ADCY2: variants seen among roughly 807,000 people sequenced by gnomAD.
The protein encoded by ADCY2 is adenylate cyclase 2, also known as adenylate cyclase type 2.
In ADCY2, 31 loss-of-function variants were observed where a neutral mutation model predicts 125.2. That is an observed-to-expected ratio of 0.25 (90% CI 0.19 to 0.33). ADCY2 has a LOEUF of 0.33. ADCY2 is among the 10% of genes least tolerant of loss of function. The pLI, the probability that ADCY2 is intolerant of heterozygous loss-of-function variation, is 1.00. For missense variants in ADCY2, 904 were observed against 1,418.2 expected (o/e 0.64, Z 5.82); for synonymous variants, 512 against 548.4 (o/e 0.93, Z 0.93).
At chr5:7,749,923 T>C (rs565415336) in intron 15 of ADCY2, among the ~76,000 whole-genome samples, 1 of 152,306 alleles carries the variant, frequency 6.6e-6, no homozygotes, top group African/African-American at 2.4e-5. Flanking sequence ...CCTGTCAATA[T>C]CCCTCCACCA....
At chr5:7,745,938 C>T (rs1317053196) in intron 15 of ADCY2, among the ~76,000 whole-genome samples, 2 of 152,190 alleles carry the variant, frequency 1.3e-5, no homozygotes, top group Non-Finnish European at 2.9e-5. Flanking sequence ...AACTCTGCTG[C>T]GTCTGTGGGA....
chr5:7,480,335 A>G (rs1220424750), intron 2 of ADCY2, among the ~76,000 whole-genome samples: 1 of 152,232 alleles, frequency 6.6e-6, no homozygotes, highest in African/African-American at 2.4e-5. Flanking sequence ...GCAATAGCAA[A>G]GACACTGAAT....
chr5:7,786,416 T>C (rs1744083246), intron 19 of ADCY2, among the ~76,000 whole-genome samples: 2 of 152,230 alleles, frequency 1.3e-5, no homozygotes, highest in South Asian at 4.1e-4. Context: ...TATTTCCTGA[T>C]TGGTTTATTA....
intron 2 of ADCY2, among the ~76,000 whole-genome samples, chr5:7,484,347 T>A (rs1034772677): frequency 6.6e-6 from 1 of 152,200 alleles, no homozygotes; most frequent in East Asian, 1.9e-4. Context: ...TACAAGGTTT[T>A]TAAAAAATGC....
chr5:7,503,400 C>T (rs942262536), intron 2 of ADCY2, among the ~76,000 whole-genome samples: 4 of 152,156 alleles, frequency 2.6e-5, no homozygotes, highest in African/African-American at 7.2e-5. Context: ...ACCAATCGCT[C>T]GCACCCCTAC....
At chr5:7,484,569 G>C (rs746096484) in intron 2 of ADCY2, among the ~76,000 whole-genome samples, 6 of 152,104 alleles carry the variant, frequency 3.9e-5, no homozygotes, top group East Asian at 1.9e-4. Flanking sequence ...ATTCCCAGAT[G>C]ATGACTTTGT....
intron 4 of ADCY2, among the ~76,000 whole-genome samples, chr5:7,641,211 A>G (rs1272787040): frequency 6.6e-6 from 1 of 152,186 alleles, no homozygotes; most frequent in Non-Finnish European, 1.5e-5. Flanking sequence ...TGGGGCATTC[A>G]GTACCTGACA....
At chr5:7,628,655 A>T (rs1738210008) in intron 4 of ADCY2, among the ~76,000 whole-genome samples, 1 of 152,218 alleles carries the variant, frequency 6.6e-6, no homozygotes, top group African/African-American at 2.4e-5. Context: ...ACTTCACATC[A>T]CAAGAGCATT....
chr5:7,599,782 A>C (rs1043283075), intron 3 of ADCY2, among the ~76,000 whole-genome samples: 1 of 152,210 alleles, frequency 6.6e-6, no homozygotes, highest in Non-Finnish European at 1.5e-5. Context: ...AAGATCTCAA[A>C]GTGCAGTATG....
intron 17 of ADCY2, among the ~76,000 whole-genome samples, chr5:7,768,557 T>A (rs1486918815): frequency 1.3e-5 from 2 of 152,216 alleles, no homozygotes; most frequent in African/African-American, 4.8e-5. Context: ...AATATTTTTT[T>A]AAATCTCTCC....
chr5:7,719,026 A>T (rs1302395923), intron 12 of ADCY2, among the ~76,000 whole-genome samples: 1 of 152,210 alleles, frequency 6.6e-6, no homozygotes, highest in Non-Finnish European at 1.5e-5. Flanking sequence ...TTAAAAACTA[A>T]TTCCTAAAGT....
intron 4 of ADCY2, among the ~76,000 whole-genome samples, chr5:7,627,538 T>C (rs1267801805): frequency 9.9e-5 from 15 of 152,220 alleles, no homozygotes. Flanking sequence ...CTATAAACAC[T>C]GTGCTCCCCC....
At chr5:7,598,552 C>T (rs958388674) in intron 3 of ADCY2, among the ~76,000 whole-genome samples, 3 of 152,180 alleles carry the variant, frequency 2.0e-5, no homozygotes, top group African/African-American at 7.2e-5. Flanking sequence ...TCTAAACACA[C>T]ATCCTTGGTC....
chr5:7,602,089 A>G (rs1030216031), intron 3 of ADCY2, among the ~76,000 whole-genome samples: 17 of 152,210 alleles, frequency 1.1e-4, no homozygotes, highest in African/African-American at 3.9e-4. Flanking sequence ...CTCTTCTTAG[A>G]AGGACATTTG....
At chr5:7,426,154 C>G (rs538677126) in intron 2 of ADCY2, among the ~76,000 whole-genome samples, 6 of 152,282 alleles carry the variant, frequency 3.9e-5, no homozygotes, top group African/African-American at 1.4e-4. Context: ...AGACAGCTTA[C>G]CTTCTATTTT....
At chr5:7,711,781 G>T (rs1251805197) in intron 10 of ADCY2, among the ~76,000 whole-genome samples, 1 of 152,134 alleles carries the variant, frequency 6.6e-6, no homozygotes, top group Non-Finnish European at 1.5e-5. Context: ...TAACCGTCTG[G>T]TCCCACCTGT....
At chr5:7,662,695 A>G (rs1739573580) in intron 4 of ADCY2, among the ~76,000 whole-genome samples, 1 of 152,194 alleles carries the variant, frequency 6.6e-6, no homozygotes, top group Non-Finnish European at 1.5e-5. Context: ...GGTTTCCTCC[A>G]TCATCCTTAG....
rs199988969 is a variant in ADCY2, at chr5:7,816,886, G to A, written c.2904G>A (p.Met968Ile). The A allele has an allele frequency of 6.2e-7, 1 of 1,614,210 alleles. No homozygotes were observed. ...CTCAGGAGCCCGAGCGGCAGTACATGCACATTGGCACCATGGTGGAGTTTG... is the reference window on the plus strand; with the variant it reads ...CTCAGGAGCCCGAGCGGCAGTACATACACATTGGCACCATGGTGGAGTTTG... ...EHSQEPERQY[M>I]HIGTMVEFAF... The change falls in exon 23 of 25, where the codon ATG becomes ATA. Residue 968 changes from methionine to isoleucine, a missense_variant. Met to Ile is a conservative substitution (Grantham distance 10). Around this residue, in one of 7 missense-constraint regions of ADCY2, gnomAD observed 181 missense variants for 381.6 expected, o/e 0.47. Coordinates refer to ENST00000338316, the MANE Select transcript of ADCY2 (RefSeq NM_020546.3).
At chr5:7,410,678 A>G (rs1186025084) in intron 1 of ADCY2, among the ~76,000 whole-genome samples, 1 of 152,182 alleles carries the variant, frequency 6.6e-6, no homozygotes, top group Non-Finnish European at 1.5e-5. Context: ...ATTTTAGTAT[A>G]TTTTAGGTAA....
Sources: allele counts gnomAD v4.1 joint callset (sites outside exome capture counted in the v4.1 genomes callset), GRCh38; gene constraint gnomAD v4.1.1; regional missense constraint gnomAD v4.1.1; transcripts MANE v1.5; gene names NCBI Gene and HGNC (gene_info 2026-07-23, HGNC 2026-07-21).